NTM: variants seen among roughly 807,000 people sequenced by gnomAD.
NTM encodes neurotrimin, also known as IgLON family member 2.
NTM carries 13 observed loss-of-function variants against 42.1 expected under a neutral mutation model. The ratio of observed to expected loss-of-function variants is 0.31; its 90% CI spans 0.20 to 0.49. The LOEUF (loss-of-function observed/expected upper bound fraction) is 0.49. Among genes scored for constraint, NTM ranks in the 20% least tolerant of loss-of-function variants. The pLI, the probability that NTM is intolerant of heterozygous loss-of-function variation, is 0.99. For synonymous variants in NTM, 187 were observed against 179.2 expected (o/e 1.04, Z -0.35); for missense variants, 373 against 452.8 (o/e 0.82, Z 1.60).
chr11:131,572,739 C>G (rs780350902), intron 1 of NTM, among the ~76,000 whole-genome samples: 203 of 152,278 alleles, frequency 1.3e-3, no homozygotes, highest in Non-Finnish European at 2.5e-3. Flanking sequence ...TAAGGTGTGG[C>G]GTGATTTGCA....
intron 1 of NTM, among the ~76,000 whole-genome samples, chr11:131,507,851 C>T (rs1307824043): frequency 1.3e-5 from 2 of 151,378 alleles, no homozygotes; most frequent in African/African-American, 4.9e-5. Context: ...TGATTTGGCT[C>T]TCTGTTTGTC....
chr11:131,465,472 G>T (rs920404686), intron 1 of NTM, among the ~76,000 whole-genome samples: 8 of 152,076 alleles, frequency 5.3e-5, no homozygotes, highest in African/African-American at 1.9e-4. Flanking sequence ...CTGGGAGAAG[G>T]TCATTCCTAT....
chr11:131,701,113 A>C (rs2135172058), intron 1 of NTM, among the ~76,000 whole-genome samples: 1 of 152,350 alleles, frequency 6.6e-6, no homozygotes, highest in East Asian at 1.9e-4. Context: ...TGGACAGTAT[A>C]ATATACTAAA....
At chr11:132,274,818 G>A (rs910580219) in intron 4 of NTM, among the ~76,000 whole-genome samples, 1 of 152,080 alleles carries the variant, frequency 6.6e-6, no homozygotes, top group Non-Finnish European at 1.5e-5. Context: ...AGTCCAGTGA[G>A]TGTTCAGCGC....
intron 7 of NTM, chr11:132,315,029 A>G: frequency 9.1e-7 from 1 of 1,102,672 alleles, no homozygotes; most frequent in East Asian, 5.1e-5. Flanking sequence ...TATAATGGAA[A>G]AGATCCCGAG....
intron 1 of NTM, among the ~76,000 whole-genome samples, chr11:131,588,695 A>G (rs1355391363): frequency 1.3e-5 from 2 of 152,178 alleles, no homozygotes; most frequent in East Asian, 1.9e-4. Context: ...AATTTTTAAC[A>G]CTTGTAATCA....
intron 3 of NTM, among the ~76,000 whole-genome samples, chr11:132,157,699 C>T (rs931105186): frequency 6.6e-6 from 1 of 152,156 alleles, no homozygotes; most frequent in African/African-American, 2.4e-5. Context: ...GTCTCATAGG[C>T]ATCTCAAACT....
intron 1 of NTM, among the ~76,000 whole-genome samples, chr11:131,852,565 T>C (rs1403676433): frequency 6.6e-6 from 1 of 152,204 alleles, no homozygotes; most frequent in Non-Finnish European, 1.5e-5. Context: ...GGCAGCTCCA[T>C]GGTCACCTGG....
At chr11:132,107,339 C>CTTCTTTTTTTTTT (rs1640202965) in intron 2 of NTM, among the ~76,000 whole-genome samples, 1 of 88,858 alleles carries the variant, frequency 1.1e-5, no homozygotes, top group African/African-American at 5.0e-5. Flanking sequence ...AAGATTTATC[C>CTTCTTTTTTTTTT]TTTTTTTTTT....
chr11:131,880,663 G>T (rs1298023651), intron 1 of NTM, among the ~76,000 whole-genome samples: 1 of 152,174 alleles, frequency 6.6e-6, no homozygotes, highest in Non-Finnish European at 1.5e-5. Flanking sequence ...CTTTCTGGTT[G>T]TTATCTATAT....
intron 1 of NTM, among the ~76,000 whole-genome samples, chr11:131,657,386 G>T (rs1376378517): frequency 2.6e-5 from 4 of 152,216 alleles, no homozygotes; most frequent in Non-Finnish European, 4.4e-5. Flanking sequence ...TGGCGTGGAA[G>T]AATAAAGGGC....
chr11:132,091,932 T>C (rs531137682), intron 2 of NTM, among the ~76,000 whole-genome samples: 167 of 152,312 alleles, frequency 1.1e-3, no homozygotes, highest in Non-Finnish European at 1.9e-3. Context: ...AATTAATGAA[T>C]GAAGAAAACA....
chr11:131,837,939 C>G (rs924790333), intron 1 of NTM, among the ~76,000 whole-genome samples: 11 of 152,190 alleles, frequency 7.2e-5, no homozygotes, highest in African/African-American at 2.7e-4. Context: ...TTTTCTCTAA[C>G]ACGAGTTTTC....
intron 2 of NTM, among the ~76,000 whole-genome samples, chr11:132,140,276 C>G (rs1013540700): frequency 2.0e-5 from 3 of 152,182 alleles, no homozygotes; most frequent in African/African-American, 7.2e-5. Context: ...GTGTGGGACT[C>G]ACAGTGCAGT....
chr11:131,841,372 G>A (rs183494517), intron 1 of NTM, among the ~76,000 whole-genome samples: 1 of 152,250 alleles, frequency 6.6e-6, no homozygotes, highest in East Asian at 1.9e-4. Context: ...TTTATTAAAT[G>A]TTCAGCACTG....
At chr11:131,956,053 G>T (rs1453566442) in intron 2 of NTM, among the ~76,000 whole-genome samples, 1 of 152,202 alleles carries the variant, frequency 6.6e-6, no homozygotes, top group Non-Finnish European at 1.5e-5. Flanking sequence ...GCCAGTGTCT[G>T]GAGGATGTCT....
intron 1 of NTM, among the ~76,000 whole-genome samples, chr11:131,525,863 A>T (rs1268812339): frequency 6.6e-6 from 1 of 151,394 alleles, no homozygotes; most frequent in Non-Finnish European, 1.5e-5. Flanking sequence ...GTGTGTGTGC[A>T]TGTATATATA....
chr11:132,199,558 T>C (rs1259712241), intron 3 of NTM, among the ~76,000 whole-genome samples: 1 of 152,156 alleles, frequency 6.6e-6, no homozygotes, highest in Non-Finnish European at 1.5e-5. Context: ...TCTTCCCCTC[T>C]GTATCCATAG....
At chr11:131,628,908 T>C (rs868142882) in intron 1 of NTM, among the ~76,000 whole-genome samples, 34 of 152,166 alleles carry the variant, frequency 2.2e-4, no homozygotes, top group African/African-American at 7.5e-4. Flanking sequence ...GGCTGTGGAG[T>C]ACAGGCGGAG....
Sources: gnomAD v4.1 joint callset for allele counts (sites outside exome capture counted in the v4.1 genomes callset) on GRCh38, gnomAD v4.1.1 for gene constraint, MANE v1.5 for transcripts, NCBI Gene and HGNC (gene_info 2026-07-23, HGNC 2026-07-21) for gene names.